The following CSMD1 variants were observed in gnomAD, a reference collection of about 807,000 sequenced individuals.
CSMD1 encodes the protein CUB and Sushi multiple domains 1, also known as CUB and sushi domain-containing protein 1.
Under a neutral mutation model 417.5 loss-of-function variants are expected in CSMD1, and 213 were observed. That is an observed-to-expected ratio of 0.51 (90% CI 0.46 to 0.57). The LOEUF (loss-of-function observed/expected upper bound fraction) is 0.57, where lower values mean the gene tolerates loss of function less well. Among genes scored for constraint, CSMD1 ranks in the 20% least tolerant of loss-of-function variants. The pLI is 0.00. For synonymous variants in CSMD1, 2,862 were observed against 1,736.8 expected (o/e 1.65, Z -16.11); for missense variants, 6,923 against 4,529.7 (o/e 1.53, Z -15.17).
At chr8:4,371,108 G>T (rs978769533) in intron 3 of CSMD1, among the ~76,000 whole-genome samples, 3 of 152,048 alleles carry the variant, frequency 2.0e-5, no homozygotes, top group African/African-American at 7.2e-5. Context: ...TGTTTTTATG[G>T]TCTTTATTGC....
intron 39 of CSMD1, among the ~76,000 whole-genome samples, chr8:3,155,392 G>C (rs1179725636): frequency 9.7e-5 from 1 of 10,320 alleles, no homozygotes; most frequent in African/African-American, 2.2e-4. Context: ...TTTTGAGACA[G>C]AATCTCGCTC....
Position 4,994,479 on chromosome 8 carries a change from G to T in CSMD1, c.-63C>A, listed in dbSNP as rs531874086. ...TCCTCCGAGGAAGGCAGGGCTATGA[G>T]CGGAGCCAAATAATCACCCGAGGGC... On this transcript the variant is annotated 5_prime_UTR_variant, in exon 1 of 70. Transcript: ENST00000635120. The T allele has an allele frequency of 4.6e-5, 67 of 1,469,960 alleles. No homozygotes were observed. Among genetic ancestry groups the T allele is most frequent in the Non-Finnish European group, 6.1e-5 (65 of 1,063,922 alleles). 91.1% of individuals were successfully genotyped at this position (1,469,960 alleles called of 1,614,324 possible).
At position 4,994,475 on chromosome 8, in the gene CSMD1, A is replaced by G. The variant is rs1276207795; in HGVS notation, c.-59T>C. 6.7e-7 allele frequency: 1 copy of G among 1,483,226 alleles called. No homozygotes were observed. The highest frequency in any genetic ancestry group is 9.3e-7 in the Non-Finnish European group (1 of 1,074,012). 91.9% of individuals were successfully genotyped at this position (1,483,226 alleles called of 1,614,324 possible). ...TGGCTCCTCCGAGGAAGGCAGGGCT[A>G]TGAGCGGAGCCAAATAATCACCCGA... On this transcript the variant is annotated 5_prime_UTR_variant, in exon 1 of 70. It removes the in-frame stop codon of an upstream open reading frame in the 5' UTR. Coordinates refer to ENST00000635120, the MANE Select transcript of CSMD1 (RefSeq NM_033225.6).
At chr8:3,731,684 G>A (rs901653577) in intron 6 of CSMD1, among the ~76,000 whole-genome samples, 1 of 152,134 alleles carries the variant, frequency 6.6e-6, no homozygotes, top group Non-Finnish European at 1.5e-5. Context: ...CAACAATTGA[G>A]GAAACAAAGT....
chr8:3,585,196 G>C (rs543756099), intron 9 of CSMD1, among the ~76,000 whole-genome samples: 1 of 152,192 alleles, frequency 6.6e-6, no homozygotes, highest in East Asian at 1.9e-4. Context: ...CTTAGAGGAC[G>C]ATAGTGACGT....
At chr8:4,391,065 T>C (rs1333075696) in intron 3 of CSMD1, among the ~76,000 whole-genome samples, 3 of 152,152 alleles carry the variant, frequency 2.0e-5, no homozygotes, top group Non-Finnish European at 4.4e-5. Context: ...AGCACTAGGG[T>C]CGTTGTCTAG....
chr8:4,911,539 G>A (rs746581918), intron 1 of CSMD1, among the ~76,000 whole-genome samples: 5 of 152,024 alleles, frequency 3.3e-5, no homozygotes, highest in African/African-American at 7.2e-5. Context: ...CCCAAGTCAG[G>A]GCCAAACTTT....
chr8:4,321,901 A>G (rs1799292377), intron 3 of CSMD1, among the ~76,000 whole-genome samples: 1 of 152,116 alleles, frequency 6.6e-6, no homozygotes, highest in Non-Finnish European at 1.5e-5. Context: ...GATTTATTAG[A>G]CTTTTGCCTT....
At chr8:4,116,125 T>A (rs1194704692) in intron 3 of CSMD1, among the ~76,000 whole-genome samples, 1 of 151,906 alleles carries the variant, frequency 6.6e-6, no homozygotes, top group Non-Finnish European at 1.5e-5. Flanking sequence ...CCCAAGTAGC[T>A]GGGATTTACA....
rs575469553 is a variant in CSMD1, at chr8:4,012,306, T to G, written c.611-14196A>C. ...TCATCATGCCAGTTTCATTTCATCT[T>G]CCAATCCTTGGTAGGGTGTCCAAGA... is the stretch of plus-strand genomic sequence containing the variant. On this transcript the variant is annotated intron_variant, in intron 4 of 69. Coordinates refer to ENST00000635120, the MANE Select transcript of CSMD1 (RefSeq NM_033225.6). Among the ~76,000 whole-genome samples the G allele has an allele frequency of 7.2e-5, 11 of 152,272 alleles. No homozygotes were observed. In the East Asian group the frequency reaches 2.1e-3, roughly 29 times the overall value.
intron 1 of CSMD1, among the ~76,000 whole-genome samples, chr8:4,652,487 G>A (rs577107289): frequency 2.0e-5 from 3 of 151,922 alleles, no homozygotes; most frequent in African/African-American, 4.8e-5. Flanking sequence ...CCACTGTGCC[G>A]AGCCTGCCGA....
At chr8:4,658,465 G>C (rs117489421) in intron 1 of CSMD1, among the ~76,000 whole-genome samples, 75 of 152,046 alleles carry the variant, frequency 4.9e-4, no homozygotes, top group African/African-American at 1.6e-3. Context: ...AAGCAGTGAC[G>C]CAAAAAAGCA....
intron 5 of CSMD1, among the ~76,000 whole-genome samples, chr8:3,854,496 C>G (rs1208452389): frequency 2.0e-5 from 3 of 152,114 alleles, no homozygotes; most frequent in Non-Finnish European, 2.9e-5. Context: ...TTTTGAGATA[C>G]AGATAATACA....
intron 3 of CSMD1, among the ~76,000 whole-genome samples, chr8:4,156,394 T>C (rs1437463324): frequency 6.6e-6 from 1 of 152,186 alleles, no homozygotes; most frequent in East Asian, 1.9e-4. Flanking sequence ...GGCAAGTCCA[T>C]AAAATTTCTC....
chr8:3,786,813 G>A (rs1360859304), intron 5 of CSMD1, among the ~76,000 whole-genome samples: 2 of 152,106 alleles, frequency 1.3e-5, no homozygotes, highest in Non-Finnish European at 2.9e-5. Context: ...GAGAGAAGAA[G>A]GAAACAGAAT....
chr8:3,545,891 C>T (rs1002967555), intron 10 of CSMD1, among the ~76,000 whole-genome samples: 1 of 152,150 alleles, frequency 6.6e-6, no homozygotes, highest in Non-Finnish European at 1.5e-5. Flanking sequence ...AGTGATGTAG[C>T]AATAAAATTA....
intron 3 of CSMD1, among the ~76,000 whole-genome samples, chr8:4,072,265 G>T (rs1013194029): frequency 2.0e-5 from 3 of 152,022 alleles, no homozygotes; most frequent in African/African-American, 7.2e-5. Context: ...GAGTTTATTT[G>T]GCCATCCTGA....
intron 1 of CSMD1, among the ~76,000 whole-genome samples, chr8:4,670,345 C>T (rs12675274): frequency 0.025 from 3,825 of 152,002 alleles, 85 homozygotes; most frequent in South Asian, 0.076. Context: ...TATTTATGAC[C>T]GTGTCAAGAT....
intron 1 of CSMD1, among the ~76,000 whole-genome samples, chr8:4,899,418 G>T (rs1422980711): frequency 6.6e-6 from 1 of 152,110 alleles, no homozygotes; most frequent in Non-Finnish European, 1.5e-5. Flanking sequence ...ACTTCTCCCA[G>T]GAAGTATTTT....
Sources: gnomAD v4.1 joint callset for allele counts (sites outside exome capture counted in the v4.1 genomes callset) on GRCh38, gnomAD v4.1.1 for gene constraint, MANE v1.5 for transcripts, NCBI Gene and HGNC (gene_info 2026-07-23, HGNC 2026-07-21) for gene names.